RBMS3: variants seen among roughly 807,000 people sequenced by gnomAD.
RBMS3 encodes the protein RNA-binding motif, single-stranded-interacting protein 3.
In RBMS3, 27 loss-of-function variants were observed where a neutral mutation model predicts 66.8. The observed-to-expected ratio is 0.40, with a 90% CI of 0.30 to 0.56. The LOEUF (loss-of-function observed/expected upper bound fraction) is 0.56, where lower values mean the gene tolerates loss of function less well. Ranked by LOEUF, RBMS3 falls within the 20% of genes least tolerant of loss-of-function variation. RBMS3 has a pLI of 0.40. For missense variants in RBMS3, 513 were observed against 549.5 expected (o/e 0.93, Z 0.66); for synonymous variants, 188 against 183.0 (o/e 1.03, Z -0.22).
At chr3:29,420,857 C>T (rs370090819) in intron 1 of RBMS3, among the ~76,000 whole-genome samples, 87 of 151,458 alleles carry the variant, frequency 5.7e-4, no homozygotes, top group African/African-American at 2.1e-3. Flanking sequence ...GTAATCCCAG[C>T]ACTTTGGGAG....
At chr3:29,875,721 CT>C (rs1035512936) in intron 7 of RBMS3, among the ~76,000 whole-genome samples, 10 of 151,862 alleles carry the variant, frequency 6.6e-5, no homozygotes, top group African/African-American at 2.2e-4. Flanking sequence ...CAGATTAAAA[CT>C]TTTTTTTCCA....
intron 4 of RBMS3, 139 bp downstream of exon 4, chr3:29,587,344 G>A: frequency 5.7e-6 from 3 of 526,494 alleles, no homozygotes; most frequent in Non-Finnish European, 9.0e-6. Flanking sequence ...TTTGCTCTGA[G>A]CTCACTCAAA....
rs536784672 is a variant in RBMS3 at position 29,787,481 on chromosome 3, G to A, written c.637+24492G>A. ...GATAAAGAAAATGTGGTATATATAC[G>A]CTGTGGACTACAACTCAGCCATAAA... On this transcript the variant is annotated intron_variant, in intron 6 of 14. Coordinates refer to ENST00000383767, the MANE Select transcript of RBMS3 (RefSeq NM_001003793.3). Among the ~76,000 whole-genome samples the A allele has an allele frequency of 1.1e-4, 17 of 152,152 alleles. No homozygotes were observed. The South Asian group carries it at 1.4e-3, about 13-fold the overall frequency.
chr3:29,828,221 C>A (rs1421562476), intron 6 of RBMS3, among the ~76,000 whole-genome samples: 1 of 152,118 alleles, frequency 6.6e-6, no homozygotes, highest in Non-Finnish European at 1.5e-5. Context: ...TCCCAAGGAG[C>A]CCTGAGTTGC....
At chr3:29,291,214 T>G (rs2032783580) in intron 1 of RBMS3, among the ~76,000 whole-genome samples, 2 of 151,934 alleles carry the variant, frequency 1.3e-5, no homozygotes, top group African/African-American at 4.8e-5. Context: ...AATGCATTTG[T>G]TTCCTTGCAC....
chr3:29,863,621 A>G (rs541250333), intron 6 of RBMS3, among the ~76,000 whole-genome samples: 2 of 152,308 alleles, frequency 1.3e-5, no homozygotes, highest in African/African-American at 4.8e-5. Flanking sequence ...AGACCTTTAA[A>G]AAAATTGTAA....
intron 3 of RBMS3, among the ~76,000 whole-genome samples, chr3:29,524,336 A>T (rs1280951606): frequency 6.8e-6 from 1 of 148,010 alleles, no homozygotes; most frequent in African/African-American, 2.5e-5. Context: ...CTGAGAACTG[A>T]TGATGCTTTT....
intron 4 of RBMS3, among the ~76,000 whole-genome samples, chr3:29,677,924 C>T (rs1261420442): frequency 6.6e-6 from 1 of 152,094 alleles, no homozygotes; most frequent in Non-Finnish European, 1.5e-5. Context: ...GGTTAAATCA[C>T]CAAATACTCT....
intron 4 of RBMS3, among the ~76,000 whole-genome samples, chr3:29,626,313 G>T (rs1559519307): frequency 6.6e-6 from 1 of 152,034 alleles, no homozygotes; most frequent in Non-Finnish European, 1.5e-5. Context: ...GAGAAAGAAT[G>T]CAAAAAATGA....
At chr3:29,962,455 G>A (rs1217690709) in intron 12 of RBMS3, among the ~76,000 whole-genome samples, 1 of 151,690 alleles carries the variant, frequency 6.6e-6, no homozygotes, top group Non-Finnish European at 1.5e-5. Context: ...CGGCACTGAG[G>A]TGGGGTGTAT....
At chr3:29,512,635 A>G (rs999872083) in intron 3 of RBMS3, among the ~76,000 whole-genome samples, 1 of 152,028 alleles carries the variant, frequency 6.6e-6, no homozygotes, top group East Asian at 1.9e-4. Flanking sequence ...ATTACTACTA[A>G]GGACTTTTCA....
chr3:29,576,384 AGTGT>A (rs908521945), intron 3 of RBMS3, among the ~76,000 whole-genome samples: 4 of 152,182 alleles, frequency 2.6e-5, no homozygotes, highest in African/African-American at 9.7e-5. Flanking sequence ...GGATTGACCC[AGTGT>A]GGTTCCTGTG....
chr3:29,599,471 C>T (rs949034484), intron 4 of RBMS3, among the ~76,000 whole-genome samples: 2 of 150,998 alleles, frequency 1.3e-5, no homozygotes, highest in African/African-American at 2.4e-5. Flanking sequence ...ACAGTGAGTA[C>T]ATCATCCAGA....
At chr3:29,718,079 G>C (rs2053480778) in intron 4 of RBMS3, among the ~76,000 whole-genome samples, 1 of 151,968 alleles carries the variant, frequency 6.6e-6, no homozygotes, top group Admixed American at 6.6e-5. Flanking sequence ...CTTTAGTATA[G>C]AGATTAAAGG....
chr3:29,334,694 CGTT>C (rs984943008), intron 1 of RBMS3, among the ~76,000 whole-genome samples: 43 of 152,174 alleles, frequency 2.8e-4, no homozygotes, highest in Admixed American at 1.2e-3. Context: ...CAGGACATGT[CGTT>C]GTTCAGGCTT....
chr3:29,606,587 A>T (rs752326240), intron 4 of RBMS3, among the ~76,000 whole-genome samples: 4 of 151,904 alleles, frequency 2.6e-5, no homozygotes, highest in African/African-American at 9.7e-5. Context: ...ATTTCTTATA[A>T]TAAGTAGGGT....
chr3:29,900,558 T>C (rs2060228353), intron 10 of RBMS3, among the ~76,000 whole-genome samples: 1 of 151,616 alleles, frequency 6.6e-6, no homozygotes, highest in Non-Finnish European at 1.5e-5. Flanking sequence ...GAGATAGAGA[T>C]TTCAATAGCA....
chr3:29,760,189 G>A (rs2055609931), intron 5 of RBMS3, among the ~76,000 whole-genome samples: 1 of 151,756 alleles, frequency 6.6e-6, no homozygotes, highest in South Asian at 2.1e-4. Context: ...GGTGGAGTGG[G>A]TTAGCCACTT....
At chr3:29,554,723 G>T (rs1198712738) in intron 3 of RBMS3, among the ~76,000 whole-genome samples, 1 of 152,060 alleles carries the variant, frequency 6.6e-6, no homozygotes, top group Non-Finnish European at 1.5e-5. Context: ...CAAGATAAAA[G>T]GATATAAAAG....
Sources: allele counts gnomAD v4.1 joint callset (sites outside exome capture counted in the v4.1 genomes callset), GRCh38; gene constraint gnomAD v4.1.1; transcripts MANE v1.5; gene names NCBI Gene and HGNC (gene_info 2026-07-23, HGNC 2026-07-21).